The following RSRC1 variants were observed in gnomAD, a reference collection of about 807,000 sequenced individuals.
RSRC1 encodes the protein serine/Arginine-related protein 53.
A neutral mutation model predicts 49.1 loss-of-function variants in RSRC1; 39 were observed. The observed-to-expected ratio is 0.79, with a 90% CI of 0.61 to 1.04. The LOEUF is 1.04. RSRC1 is among the 50% of genes least tolerant of loss of function. The pLI is 0.00. For synonymous variants in RSRC1, 143 were observed against 130.8 expected, an observed-to-expected ratio of 1.09 and a Z score of -0.63; for missense variants, 388 against 402.4, an observed-to-expected ratio of 0.96 and a Z score of 0.31.
At chr3:158,219,092 C>T (rs1348990678) in intron 4 of RSRC1, among the ~76,000 whole-genome samples, 1 of 151,262 alleles carries the variant, frequency 6.6e-6, no homozygotes, top group Non-Finnish European at 1.5e-5. Flanking sequence ...GACACTTAAA[C>T]CATCTGGAAG....
intron 5 of RSRC1, among the ~76,000 whole-genome samples, chr3:158,347,957 A>G (rs1481335410): frequency 6.6e-6 from 1 of 152,224 alleles, no homozygotes; most frequent in East Asian, 1.9e-4. Flanking sequence ...TAATATAGGC[A>G]TGCAGTGCTT....
At chr3:158,510,930 G>A (rs765525924) in intron 7 of RSRC1, among the ~76,000 whole-genome samples, 7 of 152,188 alleles carry the variant, frequency 4.6e-5, no homozygotes, top group Non-Finnish European at 4.4e-5. Flanking sequence ...AATGGTGAGA[G>A]TTTTATTGAA....
rs148414752 is a variant in RSRC1 at position 158,337,532 on chromosome 3, A to G, written c.532-17325A>G. On this transcript the variant is annotated intron_variant, in intron 5 of 9. Transcript: ENST00000611884. ...AATGATGATGAGTTCCTGCAAATCT[A>G]TGATCATAGTGGGTACAAACTGTCC... Among the ~76,000 whole-genome samples, 52 of 152,292 alleles carry G rather than the reference A, an allele frequency of 3.4e-4. No individual in the cohort carries two copies. In the South Asian group the frequency reaches 4.6e-3, roughly 13 times the overall value.
At chr3:158,180,981 T>A (rs1719588257) in intron 3 of RSRC1, among the ~76,000 whole-genome samples, 1 of 151,832 alleles carries the variant, frequency 6.6e-6, no homozygotes, top group African/African-American at 2.4e-5. Context: ...ATTTTTTGTA[T>A]TTTTAGTAGA....
chr3:158,461,808 AC>A (rs1206282128), intron 7 of RSRC1, among the ~76,000 whole-genome samples: 9 of 151,770 alleles, frequency 5.9e-5, no homozygotes, highest in Non-Finnish European at 1.3e-4. Flanking sequence ...CAGAATTTGG[AC>A]TTTTGAGTGC....
intron 3 of RSRC1, among the ~76,000 whole-genome samples, chr3:158,162,202 C>T (rs1320903995): frequency 1.3e-5 from 2 of 152,128 alleles, no homozygotes; most frequent in Non-Finnish European, 2.9e-5. Context: ...TCTCAAAATA[C>T]TCTAAGTAAA....
At chr3:158,345,949 A>T (rs1234608248) in intron 5 of RSRC1, among the ~76,000 whole-genome samples, 1 of 151,708 alleles carries the variant, frequency 6.6e-6, no homozygotes, top group Non-Finnish European at 1.5e-5. Context: ...TGCTGGAACA[A>T]TTGGATAGCC....
intron 7 of RSRC1, among the ~76,000 whole-genome samples, chr3:158,494,742 A>C (rs1274454299): frequency 1.3e-5 from 2 of 152,182 alleles, no homozygotes; most frequent in Non-Finnish European, 2.9e-5. Context: ...ACTAGGACTC[A>C]AACACATACG....
At chr3:158,237,659 T>A (rs1249719132) in intron 4 of RSRC1, among the ~76,000 whole-genome samples, 1 of 152,216 alleles carries the variant, frequency 6.6e-6, no homozygotes, top group Non-Finnish European at 1.5e-5. Context: ...AAGCCTTTTG[T>A]CCACTTAAAA....
At chr3:158,261,398 C>CTA (rs1007586437) in intron 4 of RSRC1, among the ~76,000 whole-genome samples, 5 of 151,946 alleles carry the variant, frequency 3.3e-5, no homozygotes, top group African/African-American at 9.7e-5. Context: ...TATTTTTCAC[C>CTA]TATATATATA....
intron 4 of RSRC1, among the ~76,000 whole-genome samples, chr3:158,252,496 T>G (rs1216739238): frequency 6.6e-6 from 1 of 152,222 alleles, no homozygotes; most frequent in Non-Finnish European, 1.5e-5. Context: ...AGTTTGCTAG[T>G]ATTTTGTTGA....
Position 158,179,859 on chromosome 3 carries a change from T to C in RSRC1, c.321-23213T>C, listed in dbSNP as rs1163160854. Among the ~76,000 whole-genome samples, 3 of 152,328 alleles carry C rather than the reference T, an allele frequency of 2.0e-5. No homozygotes were observed. The East Asian group carries it at 5.8e-4, about 29-fold the overall frequency. ...TTGTTTTAAATTCCCAGTAGCACTATATGAGCTATCCAGTTTCTCTGTGTC... is the reference window on the plus strand; with the variant it reads ...TTGTTTTAAATTCCCAGTAGCACTACATGAGCTATCCAGTTTCTCTGTGTC... On this transcript the variant is annotated intron_variant, in intron 3 of 9. Transcript: ENST00000611884.
chr3:158,484,415 A>G (rs1053201634), intron 7 of RSRC1, among the ~76,000 whole-genome samples: 9 of 152,108 alleles, frequency 5.9e-5, no homozygotes, highest in African/African-American at 2.2e-4. Context: ...AGGGAATTTC[A>G]CTATCATTTT....
chr3:158,303,510 C>T (rs1727681491), intron 5 of RSRC1: 1 of 152,124 alleles, frequency 6.6e-6, no homozygotes, highest in African/African-American at 2.4e-5. Flanking sequence ...GCTTAAAGCA[C>T]ATTCTGATTC....
chr3:158,391,029 A>T (rs1298175180), intron 6 of RSRC1, among the ~76,000 whole-genome samples: 1 of 152,186 alleles, frequency 6.6e-6, no homozygotes, highest in Non-Finnish European at 1.5e-5. Flanking sequence ...TATCTGCTTC[A>T]TGATAGAGCT....
intron 6 of RSRC1, among the ~76,000 whole-genome samples, chr3:158,416,480 G>A (rs1734742632): frequency 6.6e-6 from 1 of 152,058 alleles, no homozygotes; most frequent in Non-Finnish European, 1.5e-5. Context: ...AAGCCAAACA[G>A]CCTCATGGAG....
chr3:158,298,222 T>A, intron 5 of RSRC1, 147 bp downstream of exon 5: 1 of 567,236 alleles, frequency 1.8e-6, no homozygotes, highest in East Asian at 3.0e-5. Flanking sequence ...GTGAAGGCAC[T>A]TACATTTTCA....
intron 3 of RSRC1, among the ~76,000 whole-genome samples, chr3:158,196,701 C>T (rs1181848105): frequency 2.6e-5 from 4 of 152,024 alleles, no homozygotes; most frequent in African/African-American, 7.2e-5. Context: ...TTGAGAGTTT[C>T]TAGCATGAAG....
chr3:158,377,887 C>A (rs1208712367), intron 6 of RSRC1, among the ~76,000 whole-genome samples: 1 of 152,124 alleles, frequency 6.6e-6, no homozygotes, highest in East Asian at 1.9e-4. Flanking sequence ...TCTTGAACTC[C>A]TGACCTCAAA....
Sources: gnomAD v4.1 joint callset for allele counts (sites outside exome capture counted in the v4.1 genomes callset) on GRCh38, gnomAD v4.1.1 for gene constraint, MANE v1.5 for transcripts, NCBI Gene and HGNC (gene_info 2026-07-23, HGNC 2026-07-21) for gene names.